The following TMPRSS4 variants were observed in gnomAD, a reference collection of about 807,000 sequenced individuals.
TMPRSS4 encodes transmembrane serine protease 4.
Under a neutral mutation model 56.4 loss-of-function variants are expected in TMPRSS4, and 45 were observed. The observed-to-expected ratio is 0.80, with a 90% CI of 0.63 to 1.02. The LOEUF (loss-of-function observed/expected upper bound fraction) is 1.02. Among genes scored for constraint, TMPRSS4 ranks in the 50% least tolerant of loss-of-function variants. The pLI, the probability that TMPRSS4 is intolerant of heterozygous loss-of-function variation, is 0.00. For missense variants in TMPRSS4, 546 were observed against 556.7 expected, an observed-to-expected ratio of 0.98 and a Z score of 0.19; for synonymous variants, 205 against 211.0, an observed-to-expected ratio of 0.97 and a Z score of 0.25.
At chr11:118,092,461 G>C (rs1946035157) in intron 1 of TMPRSS4, among the ~76,000 whole-genome samples, 1 of 152,218 alleles carries the variant, frequency 6.6e-6, no homozygotes, top group African/African-American at 2.4e-5. Context: ...GTCAGTTCCT[G>C]GGCGGGGGCC....
At chr11:118,078,419 C>T (rs922843223) in intron 1 of TMPRSS4, among the ~76,000 whole-genome samples, 2 of 151,986 alleles carry the variant, frequency 1.3e-5, no homozygotes, top group African/African-American at 4.8e-5. Flanking sequence ...GTCTCCTATT[C>T]CCAACCTGAG....
rs564338335 is a variant in TMPRSS4, at chr11:118,113,301, G to T, written c.776G>T (p.Arg259Leu). Residue 259 changes from arginine (R) to leucine (L), a missense_variant, in exon 9 of 13, where the codon CGG becomes CTG. By Grantham distance (102) the Arg-to-Leu change is moderately radical (BLOSUM62 -2). Coordinates refer to ENST00000437212, the MANE Select transcript of TMPRSS4 (RefSeq NM_019894.4). ...ACCGATGTGTTCAACTGGAAGGTGC[G>T]GGCAGGCTCAGACAAACTGGGCAGC... ...KHTDVFNWKVRAGSDKLGSFP... is the reference protein window; with the variant it reads ...KHTDVFNWKVLAGSDKLGSFP... 1 of 1,614,030 alleles carries T rather than the reference G, an allele frequency of 6.2e-7. No individual in the cohort carries two copies. Among genetic ancestry groups the T allele is most frequent in the East Asian group, 2.2e-5 (1 of 44,852 alleles).
Position 118,111,790 on chromosome 11 carries a change from C to T in TMPRSS4, c.633C>T (p.Ala211=), listed in dbSNP as rs778303854. The change falls in exon 8 of 13, where the codon GCC becomes GCT. Residue 211 remains alanine (A), a synonymous_variant. Coordinates refer to ENST00000437212, the MANE Select transcript of TMPRSS4 (RefSeq NM_019894.4). ...KTPRVVGVEE[A]SVDSWPWQVS... ...CCCGTGTGGTGGGTGTGGAGGAGGC[C>T]TCTGTGGATTCTTGGCCTTGGCAGG... 5 of 1,604,818 alleles carry T rather than the reference C, an allele frequency of 3.1e-6. No individual in the cohort carries two copies. The Admixed American group carries it at 6.8e-5, about 22-fold the overall frequency.
chr11:118,119,038 A>G lies in TMPRSS4; in HGVS notation c.*1125A>G, dbSNP rs3741312. The stretch of plus-strand genomic sequence containing the variant: ...TGGGTTTTCTGAGGACTGTCTTGCT[A>G]TAGTTAAGTCAGATCCTAGATGAAA... On this transcript the variant is annotated 3_prime_UTR_variant, in exon 13 of 13. Coordinates refer to ENST00000437212, the MANE Select transcript of TMPRSS4 (RefSeq NM_019894.4). 18,748 of 985,318 alleles carry G rather than the reference A, an allele frequency of 0.019. 1,545 individuals are homozygous for G. The African/African-American group carries it at 0.22, about 12-fold the overall frequency. 61.0% of individuals were successfully genotyped at this position (985,318 alleles called of 1,614,324 possible). A position where few individuals can be genotyped will look rare whatever the true frequency, so the allele number is the denominator to read the frequency against.
intron 11 of TMPRSS4, 120 bp downstream of exon 11, chr11:118,115,400 T>A: frequency 8.0e-7 from 1 of 1,250,396 alleles, no homozygotes; most frequent in Non-Finnish European, 1.1e-6. Flanking sequence ...ACTCAATGTG[T>A]GATGATGGGA....
chr11:118,077,221 G>GGA lies in TMPRSS4; in HGVS notation c.-82_-81insGA. The stretch of plus-strand genomic sequence containing the variant: ...CTGACCTGCTGGCCAGCCAGGACCT[G>GGA]TGTGGGGAGGCCCTCCTGCTGCCTT... On this transcript the variant is annotated 5_prime_UTR_variant, in exon 1 of 13. The change creates a new upstream start codon in the 5' untranslated region. Transcript: ENST00000437212. 1 of 1,548,916 alleles carries GGA rather than the reference G, an allele frequency of 6.5e-7. No homozygotes were observed. The highest frequency in any genetic ancestry group is 1.7e-4 in the Middle Eastern group (1 of 5,894).
chr11:118,103,678 A>C (rs566959058), intron 4 of TMPRSS4, among the ~76,000 whole-genome samples: 22 of 152,228 alleles, frequency 1.4e-4, no homozygotes, highest in African/African-American at 5.3e-4. Flanking sequence ...CACCGTGCCC[A>C]GCTGTGTAAG....
intron 3 of TMPRSS4, among the ~76,000 whole-genome samples, chr11:118,101,349 C>A (rs1484572658): frequency 1.3e-5 from 2 of 152,126 alleles, no homozygotes; most frequent in Non-Finnish European, 2.9e-5. Flanking sequence ...TTAAGACCAG[C>A]CCAGGGTGAT....
In TMPRSS4 at chr11:118,119,407, C is replaced by A; in HGVS notation, c.*1494C>A. Reference sequence around the variant, plus strand: ...TTAGAGCCTCAGGATTCCCAAAGATCCTCCAAATATGAGCTCACAATCAAA... The same window carrying A: ...TTAGAGCCTCAGGATTCCCAAAGATACTCCAAATATGAGCTCACAATCAAA... On this transcript the variant is annotated 3_prime_UTR_variant, in exon 13 of 13. Coordinates refer to ENST00000437212, the MANE Select transcript of TMPRSS4 (RefSeq NM_019894.4). 1.1e-6 allele frequency: 1 copy of A among 952,256 alleles called. No individual in the cohort carries two copies. The highest frequency in any genetic ancestry group is 1.3e-6 in the Non-Finnish European group (1 of 799,858). The allele number at this position is 952,256 out of a possible 1,614,324, so 59.0% of individuals were successfully genotyped here. A position where few individuals can be genotyped will look rare whatever the true frequency, so the allele number is the denominator to read the frequency against.
At chr11:118,088,677 T>C (rs1277337871) in intron 1 of TMPRSS4, among the ~76,000 whole-genome samples, 3 of 152,204 alleles carry the variant, frequency 2.0e-5, no homozygotes, top group African/African-American at 7.2e-5. Context: ...GCCCAGCCAG[T>C]GGCCCAAACA....
chr11:118,081,929 A>ACACT (rs1207754585), intron 1 of TMPRSS4, among the ~76,000 whole-genome samples: 1 of 152,132 alleles, frequency 6.6e-6, no homozygotes, highest in Non-Finnish European at 1.5e-5. Context: ...ACAAAGCCTG[A>ACACT]CACTCACTCA....
chr11:118,099,988 C>T (rs1378934022), intron 3 of TMPRSS4, among the ~76,000 whole-genome samples: 1 of 152,048 alleles, frequency 6.6e-6, no homozygotes, highest in South Asian at 2.1e-4. Context: ...CCTTTGTTAT[C>T]CACATGAGCA....
At chr11:118,098,732 G>A (rs1946550444) in intron 2 of TMPRSS4, among the ~76,000 whole-genome samples, 1 of 152,218 alleles carries the variant, frequency 6.6e-6, no homozygotes, top group Non-Finnish European at 1.5e-5. Flanking sequence ...CACGGGGGAG[G>A]TGGCCTGACC....
downstream of TMPRSS4, among the ~76,000 whole-genome samples, chr11:118,124,913 G>T (rs137964289): frequency 2.0e-5 from 3 of 152,256 alleles, no homozygotes; most frequent in Admixed American, 2.0e-4. Context: ...CCATCTTCCC[G>T]CCTCTAGGCT....
chr11:118,115,294 G>T lies in TMPRSS4; in HGVS notation c.1152+14G>T. On this transcript the variant is annotated intron_variant, in intron 11 of 12. Transcript: ENST00000437212. ...GACACCTGCCAGGTGGGGCCTCCAA[G>T]AATCATGGGGAGTTCTAAGAATAGG... 1 of 1,611,360 alleles carries T rather than the reference G, an allele frequency of 6.2e-7. No individual in the cohort carries two copies. Among genetic ancestry groups the T allele is most frequent in the Non-Finnish European group, 8.5e-7 (1 of 1,179,494 alleles).
At chr11:118,085,204 G>A (rs1945449049) in intron 1 of TMPRSS4, among the ~76,000 whole-genome samples, 1 of 149,428 alleles carries the variant, frequency 6.7e-6, no homozygotes, top group Non-Finnish European at 1.5e-5. Context: ...TTCTACAGAT[G>A]GAGGAGTCAG....
intron 1 of TMPRSS4, among the ~76,000 whole-genome samples, chr11:118,088,742 G>T (rs943137985): frequency 2.0e-5 from 3 of 152,258 alleles, no homozygotes; most frequent in Non-Finnish European, 2.9e-5. Flanking sequence ...GGCTGTAACA[G>T]TTGTAGGCAG....
chr11:118,078,952 G>T (rs1018795845), intron 1 of TMPRSS4, among the ~76,000 whole-genome samples: 1 of 152,158 alleles, frequency 6.6e-6, no homozygotes, highest in African/African-American at 2.4e-5. Context: ...CAGATGTAAG[G>T]ACTTAGGACT....
Position 118,092,959 on chromosome 11 carries a change from A to T in TMPRSS4, c.4-1857A>T, listed in dbSNP as rs1946061779. 2.0e-5 allele frequency among the ~76,000 whole-genome samples: 3 copies of T among 152,034 alleles called. No individual in the cohort carries two copies. The South Asian group carries it at 6.2e-4, about 32-fold the overall frequency. On this transcript the variant is annotated intron_variant, in intron 1 of 12. Coordinates refer to ENST00000437212, the MANE Select transcript of TMPRSS4 (RefSeq NM_019894.4). ...TTTTGAAGCAGGTTTTATTGTCCCC[A>T]CTCTACAGAGGGTAAGCCTGGAGCT...
Sources: gnomAD v4.1 joint callset for allele counts (sites outside exome capture counted in the v4.1 genomes callset) on GRCh38, gnomAD v4.1.1 for gene constraint, MANE v1.5 for transcripts, NCBI Gene and HGNC (gene_info 2026-07-23, HGNC 2026-07-21) for gene names.